Variants in SCAND3 observed in about 807,000 individuals in gnomAD.
The protein encoded by SCAND3 is SCAN domain-containing protein 3.
chr6:28,576,288 C>T, the SCAND3 span: 1 of 644,846 alleles, frequency 1.6e-6, no homozygotes, highest in Non-Finnish European at 2.6e-6. Context: ...GAGACAGAGT[C>T]TCACTCTGTT....
chr6:28,605,420 G>C, the SCAND3 span, among the ~76,000 whole-genome samples: 2 of 152,048 alleles, frequency 1.3e-5, no homozygotes, highest in African/African-American at 4.8e-5. Flanking sequence ...AAAAAGTACA[G>C]ACCAATGACT....
chr6:28,572,612 A>G, the SCAND3 span: 2 of 1,614,056 alleles, frequency 1.2e-6, no homozygotes, highest in Non-Finnish European at 1.7e-6. This position sits in a 1 kb window ranked among gnomAD's most constrained non-coding sequence, Gnocchi z 4.1. Context: ...ACATCTTTAA[A>G]AAGTTGGGAC....
the SCAND3 span, chr6:28,587,790 T>A: frequency 2.7e-5 from 4 of 150,830 alleles, no homozygotes; most frequent in East Asian, 7.9e-4. Flanking sequence ...CCACCGAGAA[T>A]GAGCCTCAGT....
chr6:28,576,166 A>G, the SCAND3 span: 4 of 1,503,114 alleles, frequency 2.7e-6, no homozygotes, highest in Non-Finnish European at 3.6e-6. Flanking sequence ...ATCAATTAGA[A>G]TATTCAGGAA....
the SCAND3 span, among the ~76,000 whole-genome samples, chr6:28,615,744 A>C: frequency 9.7e-4 from 148 of 152,278 alleles, no homozygotes; most frequent in Admixed American, 2.4e-3. Context: ...CTGGCATAGG[A>C]CCTTCTTCTC....
the SCAND3 span, among the ~76,000 whole-genome samples, chr6:28,577,164 T>C: frequency 6.6e-6 from 1 of 152,104 alleles, no homozygotes; most frequent in African/African-American, 2.4e-5. Context: ...TCTGACTTAA[T>C]AAAGCTTATT....
the SCAND3 span, chr6:28,576,126 C>A: frequency 5.1e-6 from 8 of 1,557,690 alleles, no homozygotes; most frequent in Non-Finnish European, 6.1e-6. Context: ...TGGAAAACCA[C>A]AAAAATGACC....
chr6:28,589,460 G>A, the SCAND3 span: 2 of 149,270 alleles, frequency 1.3e-5, no homozygotes, highest in Non-Finnish European at 3.0e-5. Flanking sequence ...TTTCAAAGGT[G>A]AACGTTTTAC....
the SCAND3 span, among the ~76,000 whole-genome samples, chr6:28,605,500 C>A: frequency 1.3e-4 from 19 of 151,934 alleles, no homozygotes; most frequent in South Asian, 6.3e-4. Context: ...TGAGCCTAGT[C>A]ATGCGAAAGT....
chr6:28,579,798 G>C, the SCAND3 span, among the ~76,000 whole-genome samples: 1 of 152,200 alleles, frequency 6.6e-6, no homozygotes, highest in African/African-American at 2.4e-5. This position sits in a 1 kb window ranked among gnomAD's most constrained non-coding sequence, Gnocchi z 4.5. Context: ...TGTAATCCCA[G>C]CACTTTGGGA....
the SCAND3 span, among the ~76,000 whole-genome samples, chr6:28,578,278 TCA>T: frequency 6.6e-6 from 1 of 152,212 alleles, no homozygotes; most frequent in African/African-American, 2.4e-5. Context: ...AAATTTAAAC[TCA>T]CAGTGAGTTT....
At chr6:28,599,185 T>G in the SCAND3 span, among the ~76,000 whole-genome samples, 1 of 152,340 alleles carries the variant, frequency 6.6e-6, no homozygotes, top group South Asian at 2.1e-4. Flanking sequence ...TGGAGAGATA[T>G]TCCATGTTCA....
chr6:28,584,690 G>A, the SCAND3 span, among the ~76,000 whole-genome samples: 1 of 152,142 alleles, frequency 6.6e-6, no homozygotes. Context: ...GCTTCCAATA[G>A]AGACTGGTTT....
At chr6:28,573,283 A>T in the SCAND3 span, 1 of 1,614,100 alleles carries the variant, frequency 6.2e-7, no homozygotes, top group Non-Finnish European at 8.5e-7. Flanking sequence ...GTCATTGGAA[A>T]GTGGTACCTG....
At chr6:28,575,570 G>C in the SCAND3 span, 4 of 1,613,798 alleles carry the variant, frequency 2.5e-6, no homozygotes, top group South Asian at 1.1e-5. The surrounding 1 kb of genome is among the most constrained non-coding windows in gnomAD (Gnocchi z 4.2). Context: ...ATGTCTATAA[G>C]ATCTACTTGG....
the SCAND3 span, among the ~76,000 whole-genome samples, chr6:28,612,181 G>A: frequency 6.6e-6 from 1 of 151,970 alleles, no homozygotes; most frequent in East Asian, 1.9e-4. Context: ...GACTACAGGC[G>A]TGTGCCACCA....
At chr6:28,586,743 G>T in the SCAND3 span, 1 of 1,592,248 alleles carries the variant, frequency 6.3e-7, no homozygotes, top group Non-Finnish European at 8.5e-7. This position sits in a 1 kb window ranked among gnomAD's most constrained non-coding sequence, Gnocchi z 4.4. Flanking sequence ...CTCAGGCAAA[G>T]GTTCTCTCCA....
chr6:28,595,330 CAAAAA>C, the SCAND3 span, among the ~76,000 whole-genome samples: 1 of 37,330 alleles, frequency 2.7e-5, no homozygotes, highest in African/African-American at 9.1e-5. Context: ...AACCCAGTCT[CAAAAA>C]AAAAAAAAAA....
At chr6:28,614,713 C>T in the SCAND3 span, among the ~76,000 whole-genome samples, 1 of 152,132 alleles carries the variant, frequency 6.6e-6, no homozygotes, top group African/African-American at 2.4e-5. Flanking sequence ...AATCCACCCA[C>T]CTCAGCCTCC....
Sources: gnomAD v4.1 joint callset for allele counts (sites outside exome capture counted in the v4.1 genomes callset) on GRCh38, gnomAD v4.1.1 for gene constraint, Gnocchi (gnomAD v3.1) non-coding constraint, MANE v1.5 for transcripts, NCBI Gene and HGNC (gene_info 2026-07-23, HGNC 2026-07-21) for gene names.